The following PTCH1 variants were observed in gnomAD, a reference collection of about 807,000 sequenced individuals.
PTCH1 encodes the protein patched 1.
A neutral mutation model predicts 144.6 loss-of-function variants in PTCH1; 14 were observed. The observed-to-expected ratio is 0.10, with a 90% confidence interval of 0.06 to 0.15. PTCH1 has a LOEUF of 0.15. Among genes scored for constraint, PTCH1 ranks in the 10% least tolerant of loss-of-function variants. The probability of loss-of-function intolerance (pLI) is 1.00; values close to 1 mark genes in which losing one functional copy is unlikely to be tolerated. For missense variants in PTCH1, 1,623 were observed against 1,948.3 expected (o/e 0.83, Z 3.14); for synonymous variants, 833 against 793.6 (o/e 1.05, Z -0.83).
intron 12 of PTCH1, among the ~76,000 whole-genome samples, chr9:95,473,611 C>A (rs1051981178): frequency 6.8e-6 from 1 of 146,346 alleles, no homozygotes; most frequent in Admixed American, 7.0e-5. Context: ...ATAGCACGAT[C>A]TCAGCTCACC....
Position 95,444,488 on chromosome 9 carries a change from G to C in PTCH1, c.*1905C>G, listed in dbSNP as rs113213198. 6,454 of 152,120 alleles carry C rather than the reference G, an allele frequency of 0.042. 489 individuals are homozygous for C. The highest frequency in any genetic ancestry group is 0.15 in the African/African-American group (6,123 of 40,014). The allele number at this position is 152,120 out of a possible 1,614,324, so 9.4% of individuals were successfully genotyped here. On this transcript the variant is annotated 3_prime_UTR_variant, in exon 24 of 24. Coordinates refer to ENST00000331920, the MANE Select transcript of PTCH1 (RefSeq NM_000264.5). Reference sequence around the variant, plus strand: ...GGGGGTGGCCAGGGTCCCCAGCAGAGACACACACACACGCACGCACGCACA... The same window carrying C: ...GGGGGTGGCCAGGGTCCCCAGCAGACACACACACACACGCACGCACGCACA...
Position 95,480,075 on chromosome 9 carries a change from G to C in PTCH1, c.961C>G (p.Leu321Val). The C allele has an allele frequency of 6.2e-7, 1 of 1,613,876 alleles. No individual in the cohort carries two copies. The highest frequency in any genetic ancestry group is 8.5e-7 in the Non-Finnish European group (1 of 1,179,988). Residue 321 changes from leucine to valine, a missense_variant, in exon 7 of 24, where the codon CTT becomes GTT. Coordinates refer to ENST00000331920, the MANE Select transcript of PTCH1 (RefSeq NM_000264.5). The part of the protein sequence containing the change: ...KNSTKPLDMA[L>V]VLNGGCHGLS... The stretch of plus-strand genomic sequence containing the variant: ...CCATGACATCCACCATTCAAAACAA[G>C]GGCCATATCAAGAGGCTAAAATAAA...
Position 95,458,374 on chromosome 9 carries a change from G to T in PTCH1, c.2888-81C>A. ...TTCAATGGAAAGAGAGAAGAACTTTGCATGAAAGCTTACTGACTGCTCTTC... is the reference window on the plus strand; with the variant it reads ...TTCAATGGAAAGAGAGAAGAACTTTTCATGAAAGCTTACTGACTGCTCTTC... On this transcript the variant is annotated intron_variant, in intron 17 of 23. Coordinates refer to ENST00000331920, the MANE Select transcript of PTCH1 (RefSeq NM_000264.5). The surrounding 1 kb of genome is among the most constrained non-coding windows in gnomAD (Gnocchi z 4.7). 1 of 1,514,500 alleles carries T rather than the reference G, an allele frequency of 6.6e-7. No individual in the cohort carries two copies. The highest frequency in any genetic ancestry group is 1.2e-5 in the South Asian group (1 of 83,546). 93.8% of individuals were successfully genotyped at this position (1,514,500 alleles called of 1,614,324 possible).
chr9:95,489,591 A>C (rs1255929055), intron 2 of PTCH1, among the ~76,000 whole-genome samples: 1 of 152,160 alleles, frequency 6.6e-6, no homozygotes, highest in East Asian at 1.9e-4. Context: ...AGCTTAAGTA[A>C]TCCTCCTGCC....
Position 95,516,716 on chromosome 9 carries a change from G to A in PTCH1, c.-245C>T, listed in dbSNP as rs751162111. 5.0e-6 allele frequency: 8 copies of A among 1,612,644 alleles called. No homozygotes were observed. The East Asian group carries it at 1.3e-4, about 27-fold the overall frequency. ...CTCCTCCTCCTCCGTCTTTACAAAAGGAACGGAAAGTGTAAAAACCCCGGC... is the reference window on the plus strand; with the variant it reads ...CTCCTCCTCCTCCGTCTTTACAAAAAGAACGGAAAGTGTAAAAACCCCGGC... On this transcript the variant is annotated 5_prime_UTR_variant, in exon 1 of 23. Transcript: ENST00000430669.
chr9:95,491,686 C>G (rs903395175), intron 2 of PTCH1, among the ~76,000 whole-genome samples: 1 of 152,162 alleles, frequency 6.6e-6, no homozygotes, highest in African/African-American at 2.4e-5. Context: ...AACATGAGTA[C>G]AGCAGGAGGT....
At position 95,447,180 on chromosome 9, in the gene PTCH1, C is replaced by T. The variant is rs745451899; in HGVS notation, c.4076G>A (p.Ser1359Asn). The stretch of plus-strand genomic sequence containing the variant: ...GGGCTGGCAGTAGCCGGGCACGGAG[C>T]TGCCCATGGCAGTGGACGCTGGGTT... ...PRNPASTAMG[S>N]SVPGYCQPIT... Residue 1359 changes from serine (S) to asparagine (N), a missense_variant, in exon 23 of 24, where the codon AGC becomes AAC. Around this residue, in one of 7 missense-constraint regions of PTCH1, gnomAD observed 291 missense variants for 287.4 expected, o/e 1.01. Transcript: ENST00000331920. 11 of 1,612,940 alleles carry T rather than the reference C, an allele frequency of 6.8e-6. No homozygotes were observed. The Admixed American group carries it at 1.0e-4, about 15-fold the overall frequency.
chr9:95,499,389 G>C (rs906521187), intron 2 of PTCH1, among the ~76,000 whole-genome samples: 2 of 149,666 alleles, frequency 1.3e-5, no homozygotes, highest in Admixed American at 1.3e-4. Context: ...CTTAGGTTGT[G>C]ATTAGCCAGA....
At chr9:95,485,614 G>A (rs1841897074) in intron 3 of PTCH1, 71 bp downstream of exon 3, 3 of 1,573,470 alleles carry the variant, frequency 1.9e-6, no homozygotes, top group East Asian at 2.2e-5. Context: ...AAAATAACGG[G>A]GCCTAAACCA....
At chr9:95,510,850 TGC>T (rs1016195237), upstream of PTCH1, among the ~76,000 whole-genome samples, 1 of 149,716 alleles carries the variant, frequency 6.7e-6, no homozygotes. Context: ...GGAGGCCCGG[TGC>T]GCGCGCGCGC....
At chr9:95,508,092 T>G in intron 1 of PTCH1, 69 bp downstream of exon 1, 1 of 1,600,674 alleles carries the variant, frequency 6.2e-7, no homozygotes, top group Non-Finnish European at 8.5e-7. Context: ...TGTGTTTGTG[T>G]GTGGCGGGGG....
At chr9:95,456,103 C>T (rs981207918) in intron 19 of PTCH1, among the ~76,000 whole-genome samples, 173 bp downstream of exon 19, 5 of 152,180 alleles carry the variant, frequency 3.3e-5, no homozygotes, top group Non-Finnish European at 7.4e-5. Flanking sequence ...CTTAGCCTCC[C>T]TTGAGGGAAA....
rs1028469311 is a variant in PTCH1, at chr9:95,447,039, T to C, written c.4217A>G (p.His1406Arg). The C allele has an allele frequency of 1.2e-6, 2 of 1,614,042 alleles. No individual in the cohort carries two copies. The highest frequency in any genetic ancestry group is 1.3e-5 in the African/African-American group (1 of 74,934). The change falls in exon 23 of 24, where the codon CAC becomes CGC. Residue 1406 changes from histidine (H) to arginine (R), a missense_variant. Transcript: ENST00000331920. ...CACGTGGGGGTCCTCAAACAGGCCG[T>C]GGTCAGTCTCAGGGTAGCCTGGGCA... ...GLCPGYPETD[H>R]GLFEDPHVPF...
At position 95,480,080 on chromosome 9, in the gene PTCH1, A is replaced by G. The variant is rs867609005; in HGVS notation, c.956T>C (p.Met319Thr). 7 of 1,613,980 alleles carry G rather than the reference A, an allele frequency of 4.3e-6. No individual in the cohort carries two copies. The highest frequency in any genetic ancestry group is 5.9e-6 in the Non-Finnish European group (7 of 1,180,034). The change falls in exon 7 of 24, where the codon ATG becomes ACG. Residue 319 changes from methionine to threonine, a missense_variant. Around this residue, in one of 7 missense-constraint regions of PTCH1, gnomAD observed 230 missense variants for 271.0 expected, o/e 0.85. Transcript: ENST00000331920. ...ACATCCACCATTCAAAACAAGGGCC[A>G]TATCAAGAGGCTAAAATAAAAAGAC... ...PNKNSTKPLD[M>T]ALVLNGGCHG...
chr9:95,474,316 G>A (rs553844989), intron 12 of PTCH1, among the ~76,000 whole-genome samples: 4 of 152,070 alleles, frequency 2.6e-5, no homozygotes, highest in South Asian at 2.1e-4. Flanking sequence ...TACCAGCACC[G>A]GCTGCACGTG....
chr9:95,489,967 A>T (rs1468675506), intron 2 of PTCH1, among the ~76,000 whole-genome samples: 2 of 150,280 alleles, frequency 1.3e-5, no homozygotes, highest in East Asian at 2.0e-4. Context: ...GGCCTGGCTA[A>T]TTTTTTTTGT....
rs116610808 is a variant in PTCH1 at position 95,463,969 on chromosome 9, C to T, written c.2561-1971G>A. Among the ~76,000 whole-genome samples the T allele has an allele frequency of 5.6e-3, 855 of 152,220 alleles. 6 individuals carry two copies. The highest frequency in any genetic ancestry group is 0.017 in the African/African-American group (711 of 41,520). On this transcript the variant is annotated intron_variant, in intron 15 of 23. Transcript: ENST00000331920. ...AATAACATCTGGTGGCAAACGGGGTCCCCAAAATCTGGGGGCGGTTTTATG... is the reference window on the plus strand; with the variant it reads ...AATAACATCTGGTGGCAAACGGGGTTCCCAAAATCTGGGGGCGGTTTTATG...
chr9:95,516,596 C>G (rs376597199), exon 1 of PTCH1: 12 of 1,595,004 alleles, frequency 7.5e-6, no homozygotes, highest in African/African-American at 2.7e-5. Context: ...TCCGTCTTCT[C>G]CCAGTCTTCC....
exon 1 of PTCH1, chr9:95,516,800 G>A (rs2118958513): frequency 1.2e-6 from 2 of 1,611,434 alleles, no homozygotes; most frequent in Non-Finnish European, 1.7e-6. Context: ...TTACAAGCCT[G>A]TTTCTATTAA....
Sources: allele counts gnomAD v4.1 joint callset (sites outside exome capture counted in the v4.1 genomes callset), GRCh38; gene constraint gnomAD v4.1.1; regional missense constraint gnomAD v4.1.1; non-coding constraint Gnocchi (gnomAD v3.1); transcripts MANE v1.5; gene names NCBI Gene and HGNC (gene_info 2026-07-23, HGNC 2026-07-21).